Variants in ASCC3 observed in about 807,000 individuals in gnomAD.
The protein encoded by ASCC3 is activating signal cointegrator 1 complex subunit 3.
Under a neutral mutation model 256.3 loss-of-function variants are expected in ASCC3, and 158 were observed. The ratio of observed to expected loss-of-function variants is 0.62; its 90% CI spans 0.54 to 0.70. The LOEUF (loss-of-function observed/expected upper bound fraction) is 0.70, where lower values mean the gene tolerates loss of function less well. Among genes scored for constraint, ASCC3 ranks in the 30% least tolerant of loss-of-function variants. The pLI is 0.00. For missense variants in ASCC3, 2,259 were observed against 2,626.0 expected (o/e 0.86, Z 3.05); for synonymous variants, 948 against 883.4 (o/e 1.07, Z -1.30).
chr6:100,632,143 T>C (rs1334555046), intron 25 of ASCC3, among the ~76,000 whole-genome samples: 6 of 122,880 alleles, frequency 4.9e-5, no homozygotes, highest in Non-Finnish European at 1.0e-4. Flanking sequence ...AAAGTCAACA[T>C]ATATAAACCA....
intron 10 of ASCC3, among the ~76,000 whole-genome samples, chr6:100,745,878 C>G (rs1780644360): frequency 1.3e-5 from 2 of 152,128 alleles, no homozygotes; most frequent in Middle Eastern, 3.4e-3. Context: ...AATCAGTAAC[C>G]TTTTAGTCTT....
At chr6:100,684,514 G>T (rs929924815) in intron 13 of ASCC3, among the ~76,000 whole-genome samples, 4 of 152,106 alleles carry the variant, frequency 2.6e-5, no homozygotes, top group Admixed American at 2.6e-4. Flanking sequence ...GAGAACCTCT[G>T]TCATAGCTGG....
chr6:100,594,714 T>A (rs1040204130), intron 34 of ASCC3, among the ~76,000 whole-genome samples: 2 of 152,102 alleles, frequency 1.3e-5, no homozygotes, highest in Non-Finnish European at 2.9e-5. Context: ...ATCAGTATGT[T>A]GAAGAGACGT....
rs368906997 is a variant in ASCC3, at chr6:100,606,972, T to G, written c.4902A>C (p.Leu1634=). 1.4e-5 allele frequency: 22 copies of G among 1,613,538 alleles called. No homozygotes were observed. The African/African-American group carries it at 2.9e-4, about 22-fold the overall frequency. Residue 1634 remains leucine (L), a synonymous_variant, in exon 31 of 42, where the codon CTA becomes CTC. Coordinates refer to ENST00000369162, the MANE Select transcript of ASCC3 (RefSeq NM_006828.4). ...HERDRKTVEE[L]FVNCKVQVLI... ...GTACCTGAACTTTACAGTTTACAAA[T>G]AGTTCCTCTACTGTTTTTCGGTCCC...
chr6:100,546,427 T>C (rs1364436256), intron 36 of ASCC3, among the ~76,000 whole-genome samples: 1 of 152,152 alleles, frequency 6.6e-6, no homozygotes, highest in Non-Finnish European at 1.5e-5. Context: ...GCACTCAGGA[T>C]AAAAAGACCA....
At chr6:100,806,023 C>T (rs1365723255) in intron 4 of ASCC3, 143 bp from the exon 5 acceptor site, 2 of 723,610 alleles carry the variant, frequency 2.8e-6, no homozygotes, top group African/African-American at 3.6e-5. Context: ...GTACCTTAAA[C>T]TAAGAAAAAT....
chr6:100,723,867 T>TA (rs1280266072), intron 11 of ASCC3, among the ~76,000 whole-genome samples: 6 of 26,336 alleles, frequency 2.3e-4, no homozygotes, highest in African/African-American at 1.7e-3. Context: ...GAATTATATA[T>TA]ATATATATAT....
chr6:100,589,505 T>C, intron 36 of ASCC3, 129 bp downstream of exon 36: 1 of 1,078,540 alleles, frequency 9.3e-7, no homozygotes, highest in Non-Finnish European at 1.3e-6. Context: ...ATGTGTTGCT[T>C]TGTAGTGACC....
At chr6:100,834,055 G>T (rs559662700) in intron 4 of ASCC3, among the ~76,000 whole-genome samples, 30 of 152,278 alleles carry the variant, frequency 2.0e-4, no homozygotes, top group African/African-American at 6.7e-4. Context: ...GACAGTGTGA[G>T]TGAGTGTGGT....
At chr6:100,667,215 C>G (rs1776519592) in intron 14 of ASCC3, among the ~76,000 whole-genome samples, 1 of 152,088 alleles carries the variant, frequency 6.6e-6, no homozygotes, top group Non-Finnish European at 1.5e-5. Context: ...TCAAAGAAGT[C>G]TTTACAGAAA....
chr6:100,610,442 T>C (rs1773336268), intron 30 of ASCC3, among the ~76,000 whole-genome samples: 2 of 152,158 alleles, frequency 1.3e-5, no homozygotes, highest in Non-Finnish European at 2.9e-5. Flanking sequence ...TTTCTAAGTT[T>C]TTTTTTAATG....
intron 34 of ASCC3, among the ~76,000 whole-genome samples, chr6:100,600,831 A>G (rs573441567): frequency 5.9e-5 from 9 of 152,090 alleles, no homozygotes; most frequent in African/African-American, 2.2e-4. Context: ...TTCCTACCAT[A>G]GTGCAATAAA....
chr6:100,756,152 T>C (rs1206941596), intron 10 of ASCC3, among the ~76,000 whole-genome samples: 1 of 152,004 alleles, frequency 6.6e-6, no homozygotes, highest in Admixed American at 6.6e-5. Context: ...TTTGAGTGAA[T>C]GTTTATTTTC....
intron 22 of ASCC3, among the ~76,000 whole-genome samples, chr6:100,645,482 T>C (rs536320468): frequency 1.1e-4 from 16 of 152,220 alleles, no homozygotes; most frequent in African/African-American, 3.1e-4. Flanking sequence ...CTGTTAAAAT[T>C]CATTGACATT....
rs1261083558 is a variant in ASCC3, at chr6:100,659,594, G to T, written c.2703+2212C>A. Among the ~76,000 whole-genome samples, 13 of 151,318 alleles carry T rather than the reference G, an allele frequency of 8.6e-5. No individual in the cohort carries two copies. The East Asian group carries it at 1.9e-3, about 23-fold the overall frequency. ...TTATAAATATTTGATAAATTTATGGGCCCTAATTTATTTTTAATTTCTCAG... is the reference window on the plus strand; with the variant it reads ...TTATAAATATTTGATAAATTTATGGTCCCTAATTTATTTTTAATTTCTCAG... On this transcript the variant is annotated intron_variant, in intron 16 of 41. Transcript: ENST00000369162.
intron 30 of ASCC3, among the ~76,000 whole-genome samples, chr6:100,609,065 T>C (rs1773256559): frequency 6.6e-6 from 1 of 151,474 alleles, no homozygotes; most frequent in Non-Finnish European, 1.5e-5. Flanking sequence ...CCTGGCCTGC[T>C]ATAAATATTT....
intron 8 of ASCC3, among the ~76,000 whole-genome samples, chr6:100,771,916 G>A (rs1582839977): frequency 1.0e-5 from 1 of 99,704 alleles, no homozygotes; most frequent in Non-Finnish European, 1.8e-5. Flanking sequence ...CTCTTGCTCT[G>A]TCCCCCAGGC....
chr6:100,777,396 G>T (rs1205335202), intron 8 of ASCC3, among the ~76,000 whole-genome samples: 2 of 151,728 alleles, frequency 1.3e-5, no homozygotes, highest in Non-Finnish European at 2.9e-5. Context: ...CCTCTATGTG[G>T]CTTAAACTGT....
intron 37 of ASCC3, chr6:100,531,066 T>C (rs1774847902): frequency 1.4e-6 from 2 of 1,428,824 alleles, no homozygotes; most frequent in East Asian, 2.3e-5. Flanking sequence ...TAAAGGAATC[T>C]TCTAGAACGT....
Sources: allele counts gnomAD v4.1 joint callset (sites outside exome capture counted in the v4.1 genomes callset), GRCh38; gene constraint gnomAD v4.1.1; transcripts MANE v1.5; gene names NCBI Gene and HGNC (gene_info 2026-07-23, HGNC 2026-07-21).